The following PARPBP variants were observed in gnomAD, a reference collection of about 807,000 sequenced individuals.
PARPBP encodes the protein PCNA-interacting partner.
A neutral mutation model predicts 50.0 loss-of-function variants in PARPBP; 52 were observed. That is an observed-to-expected ratio of 1.04 (90% CI 0.83 to 1.31). The LOEUF is 1.31. Ranked by LOEUF, PARPBP falls within the 50% of genes most tolerant of loss-of-function variation. The pLI is 0.00. For synonymous variants in PARPBP, 244 were observed against 232.1 expected (o/e 1.05, Z -0.47); for missense variants, 697 against 672.0 (o/e 1.04, Z -0.41).
At chr12:102,189,038 G>A (rs1239511279) in intron 9 of PARPBP, among the ~76,000 whole-genome samples, 1 of 152,054 alleles carries the variant, frequency 6.6e-6, no homozygotes, top group African/African-American at 2.4e-5. Context: ...TAGAAGAGCA[G>A]GACACAGAGA....
chr12:102,147,731 A>T (rs920649833), intron 2 of PARPBP, among the ~76,000 whole-genome samples: 10 of 152,202 alleles, frequency 6.6e-5, no homozygotes, highest in Middle Eastern at 3.4e-3. Context: ...TAAAATAAAA[A>T]AAATTAATCT....
rs749691464 is a variant in PARPBP at position 102,196,876 on chromosome 12, T to C, written c.*585T>C. ...CAGGTGTAATTGAGCCATGGTCTTA[T>C]TTGATTTTGTTATGATTGCATCCAA... On this transcript the variant is annotated 3_prime_UTR_variant, in exon 11 of 11. Coordinates refer to ENST00000327680, the MANE Select transcript of PARPBP (RefSeq NM_017915.5). 3.5e-6 allele frequency: 4 copies of C among 1,148,352 alleles called. No individual in the cohort carries two copies. The African/African-American group carries it at 4.7e-5, about 13-fold the overall frequency. The allele number at this position is 1,148,352 out of a possible 1,614,324, so 71.1% of individuals were successfully genotyped here.
At chr12:102,163,710 C>T (rs771277012) in intron 4 of PARPBP, among the ~76,000 whole-genome samples, 24 of 152,292 alleles carry the variant, frequency 1.6e-4, no homozygotes, top group Non-Finnish European at 3.1e-4. Context: ...CTACTCTCTC[C>T]AAGTTGCTGT....
rs187210851 is a variant in PARPBP, at chr12:102,155,828, C to T, written c.495+1852C>T. Among the ~76,000 whole-genome samples the T allele has an allele frequency of 2.5e-3, 381 of 152,320 alleles. 3 individuals are homozygous for T. The highest frequency in any genetic ancestry group is 8.9e-3 in the African/African-American group (369 of 41,566). On this transcript the variant is annotated intron_variant, in intron 4 of 10. Transcript: ENST00000327680. ...CCTGCTGCTGACTTTGGTAGGATGTCCGCTGTGCTCCTGATCTAGCCAGGC... is the reference window on the plus strand; with the variant it reads ...CCTGCTGCTGACTTTGGTAGGATGTTCGCTGTGCTCCTGATCTAGCCAGGC...
chr12:102,130,174 A>T (rs1329318810), intron 2 of PARPBP, among the ~76,000 whole-genome samples: 1 of 152,212 alleles, frequency 6.6e-6, no homozygotes, highest in Non-Finnish European at 1.5e-5. Context: ...TAGTGCTGGG[A>T]TAACTGGCTA....
At chr12:102,159,150 A>G (rs992272078) in intron 4 of PARPBP, among the ~76,000 whole-genome samples, 2 of 152,142 alleles carry the variant, frequency 1.3e-5, no homozygotes, top group African/African-American at 4.8e-5. Context: ...TTCCCCTCTG[A>G]GACGGAGTTT....
At chr12:102,131,677 A>G (rs1882879490) in intron 2 of PARPBP, among the ~76,000 whole-genome samples, 1 of 152,222 alleles carries the variant, frequency 6.6e-6, no homozygotes, top group African/African-American at 2.4e-5. Context: ...GAACGAGATC[A>G]TGTCCTTTGC....
chr12:102,136,001 C>G (rs757721489), intron 2 of PARPBP, among the ~76,000 whole-genome samples: 3 of 152,060 alleles, frequency 2.0e-5, no homozygotes, highest in Non-Finnish European at 4.4e-5. Flanking sequence ...TCATCTTTAC[C>G]TTGATGTCCC....
At chr12:102,192,085 G>A (rs1565906686) in intron 9 of PARPBP, among the ~76,000 whole-genome samples, 2 of 152,056 alleles carry the variant, frequency 1.3e-5, no homozygotes, top group African/African-American at 2.4e-5. Context: ...AATGTAGGTT[G>A]CGTTGTTTAA....
intron 2 of PARPBP, among the ~76,000 whole-genome samples, chr12:102,142,885 G>A (rs980389715): frequency 2.0e-5 from 3 of 152,216 alleles, no homozygotes; most frequent in Admixed American, 6.5e-5. Context: ...GGCCGTATGA[G>A]GTGTCAGTCG....
intron 3 of PARPBP, chr12:102,151,741 C>T (rs553175544): frequency 6.5e-7 from 1 of 1,535,614 alleles, no homozygotes; most frequent in South Asian, 1.2e-5. Flanking sequence ...GCCTGGGATT[C>T]CCATCACGGT....
chr12:102,146,205 G>GA (rs1180352604), intron 2 of PARPBP, among the ~76,000 whole-genome samples: 1 of 152,020 alleles, frequency 6.6e-6, no homozygotes, highest in Admixed American at 6.6e-5. Context: ...CACAGAATTG[G>GA]AAAAAAATTA....
intron 2 of PARPBP, among the ~76,000 whole-genome samples, chr12:102,128,705 A>T (rs537491938): frequency 3.9e-5 from 6 of 152,320 alleles, no homozygotes; most frequent in South Asian, 2.1e-4. Flanking sequence ...TATATATACC[A>T]CATTTTCTAT....
chr12:102,186,578 A>G (rs1270307821), intron 9 of PARPBP, among the ~76,000 whole-genome samples: 1 of 152,084 alleles, frequency 6.6e-6, no homozygotes, highest in Middle Eastern at 3.2e-3. Flanking sequence ...TAAGCACTTT[A>G]AGTAAGTTAT....
intron 1 of PARPBP, chr12:102,120,535 AG>A: frequency 2.2e-6 from 1 of 456,378 alleles, no homozygotes; most frequent in South Asian, 1.5e-5. Context: ...ACAGGCCCGT[AG>A]AGGCCTGCTT....
At chr12:102,121,701 A>C (rs896945815) in intron 1 of PARPBP, among the ~76,000 whole-genome samples, 8 of 151,802 alleles carry the variant, frequency 5.3e-5, no homozygotes, top group African/African-American at 1.9e-4. Context: ...TTAGAGGCAC[A>C]CACCACCACA....
chr12:102,142,709 C>T (rs990214031), intron 2 of PARPBP, among the ~76,000 whole-genome samples: 1 of 152,226 alleles, frequency 6.6e-6, no homozygotes, highest in East Asian at 1.9e-4. Context: ...TTCCTTCTAA[C>T]AGTCAGGAAC....
intron 9 of PARPBP, among the ~76,000 whole-genome samples, chr12:102,187,820 C>T (rs1039693036): frequency 6.6e-6 from 1 of 152,100 alleles, no homozygotes; most frequent in Admixed American, 6.5e-5. Flanking sequence ...TGGTAGAACA[C>T]CATTCTCGCT....
intron 6 of PARPBP, among the ~76,000 whole-genome samples, 175 bp from the exon 7 acceptor site, chr12:102,175,308 T>C (rs73384877): frequency 1.2e-3 from 177 of 152,352 alleles, no homozygotes; most frequent in African/African-American, 3.9e-3. Context: ...AGACAAACTT[T>C]TAAATTTTGT....
Sources: gnomAD v4.1 joint callset for allele counts (sites outside exome capture counted in the v4.1 genomes callset) on GRCh38, gnomAD v4.1.1 for gene constraint, MANE v1.5 for transcripts, NCBI Gene and HGNC (gene_info 2026-07-23, HGNC 2026-07-21) for gene names.